NUP155: variants seen among roughly 807,000 people sequenced by gnomAD.
NUP155 encodes the protein nucleoporin 155.
In NUP155, 71 loss-of-function variants were observed where a neutral mutation model predicts 180.4. That is an observed-to-expected ratio of 0.39 (90% CI 0.33 to 0.48). NUP155 has a LOEUF of 0.48. Among genes scored for constraint, NUP155 ranks in the 20% least tolerant of loss-of-function variants. The pLI, the probability that NUP155 is intolerant of heterozygous loss-of-function variation, is 0.91. For missense variants in NUP155, 1,553 were observed against 1,648.9 expected, an observed-to-expected ratio of 0.94 and a Z score of 1.01; for synonymous variants, 582 against 559.5, an observed-to-expected ratio of 1.04 and a Z score of -0.57.
intron 29 of NUP155, 50 bp downstream of exon 29, chr5:37,302,716 AATGTGGAATAACT>A (rs1742929532): frequency 6.5e-7 from 1 of 1,548,966 alleles, no homozygotes; most frequent in African/African-American, 1.4e-5. Flanking sequence ...GGAAGAATGG[AATGTGGAATAACT>A]ATGTGGCTAG....
At chr5:37,305,334 T>C (rs1313011827) in intron 25 of NUP155, 124 bp from the exon 26 acceptor site, 8 of 813,624 alleles carry the variant, frequency 9.8e-6, no homozygotes, top group African/African-American at 8.4e-5. Flanking sequence ...GGCTTGAGGC[T>C]GGGAGTTCAA....
chr5:37,328,872 T>G (rs1314558124), intron 16 of NUP155, among the ~76,000 whole-genome samples: 2 of 152,210 alleles, frequency 1.3e-5, no homozygotes, highest in African/African-American at 4.8e-5. Flanking sequence ...GGGACTGATC[T>G]CCTAGTAAGT....
At position 37,294,366 on chromosome 5, in the gene NUP155, C is replaced by T. The variant is rs1399516949; in HGVS notation, c.3893G>A (p.Arg1298Lys). Residue 1298 changes from arginine (R) to lysine (K), a missense_variant, in exon 33 of 35, where the codon AGA becomes AAA. Physicochemically the swap from Arg to Lys is conservative, Grantham distance 26 (BLOSUM62 2). Coordinates refer to ENST00000231498, the MANE Select transcript of NUP155 (RefSeq NM_153485.3). The part of the protein sequence containing the change: ...TMNEIGVPLP[R>K]LLEVYDQLFK... ...CAACTGATCATAAACTTCTAGTAGT[C>T]TAGGTAATGGTACTCCAATTTCATT... 6.2e-7 allele frequency: 1 copy of T among 1,602,532 alleles called. No homozygotes were observed. Among genetic ancestry groups the T allele is most frequent in the African/African-American group, 1.3e-5 (1 of 74,718 alleles).
chr5:37,330,487 G>C (rs181961359), intron 14 of NUP155, among the ~76,000 whole-genome samples: 17 of 152,276 alleles, frequency 1.1e-4, no homozygotes, highest in Non-Finnish European at 1.8e-4. Flanking sequence ...TAAGAGTTTA[G>C]CATATATTAA....
At chr5:37,353,743 A>C (rs1581203381) in intron 4 of NUP155, among the ~76,000 whole-genome samples, 4 of 152,342 alleles carry the variant, frequency 2.6e-5, no homozygotes, top group Admixed American at 2.6e-4. Context: ...AGAATAGTCA[A>C]ATTCTTACAG....
At chr5:37,299,306 G>T in intron 31 of NUP155, 142 bp downstream of exon 31, 1 of 900,052 alleles carries the variant, frequency 1.1e-6, no homozygotes, top group Non-Finnish European at 1.8e-6. Context: ...ATACCCAGGT[G>T]ACTTCCACTT....
chr5:37,334,358 C>A (rs1318345219), intron 12 of NUP155, among the ~76,000 whole-genome samples: 5 of 151,674 alleles, frequency 3.3e-5, no homozygotes, highest in Non-Finnish European at 7.4e-5. Flanking sequence ...CCATCTTGGC[C>A]TCTCAAAGTG....
Position 37,370,779 on chromosome 5 carries a change from G to GA in NUP155, c.157+41dup, listed in dbSNP as rs771651240. ...TAAGTAGCAAATTAGGAAGTCAGGC[G>GA]AGAGTCCTTTAGGTTGAGAAAGCAG... On this transcript the variant is annotated intron_variant, in intron 1 of 34. Transcript: ENST00000231498. The GA allele has an allele frequency of 1.1e-5, 18 of 1,613,852 alleles. No homozygotes were observed. In the South Asian group the frequency reaches 1.9e-4, roughly 17 times the overall value.
At chr5:37,310,462 A>G in intron 23 of NUP155, 90 bp downstream of exon 23, 1 of 1,021,904 alleles carries the variant, frequency 9.8e-7, no homozygotes, top group South Asian at 1.4e-5. Context: ...GATCTAACTG[A>G]CTGAGGTCCT....
chr5:37,354,499 C>T (rs1746683653), intron 4 of NUP155, among the ~76,000 whole-genome samples: 1 of 148,304 alleles, frequency 6.7e-6, no homozygotes, highest in African/African-American at 2.5e-5. Flanking sequence ...TGCTCTGCTG[C>T]CCAGGCTGGA....
At chr5:37,368,744 G>C (rs1281037169) in intron 1 of NUP155, among the ~76,000 whole-genome samples, 3 of 152,132 alleles carry the variant, frequency 2.0e-5, no homozygotes, top group Non-Finnish European at 2.9e-5. Flanking sequence ...AACCTGGGAG[G>C]TGGAGGCCGT....
Position 37,294,597 on chromosome 5 carries a change from G to A in NUP155, c.3794-132C>T, listed in dbSNP as rs556166556. ...CAATTGCAATTTTTTGGGGCGGGGG[G>A]TTTTTTTTGCTATGTTGCCCAGACT... is the stretch of plus-strand genomic sequence containing the variant. On this transcript the variant is annotated intron_variant, in intron 32 of 34. Coordinates refer to ENST00000231498, the MANE Select transcript of NUP155 (RefSeq NM_153485.3). 1.2e-4 allele frequency: 95 copies of A among 810,752 alleles called. 1 individual carries two copies. The highest frequency in any genetic ancestry group is 1.7e-4 in the Non-Finnish European group (87 of 503,566). 50.2% of individuals were successfully genotyped at this position (810,752 alleles called of 1,614,324 possible).
At chr5:37,316,109 C>T (rs1743866484) in intron 21 of NUP155, among the ~76,000 whole-genome samples, 1 of 152,150 alleles carries the variant, frequency 6.6e-6, no homozygotes, top group Admixed American at 6.5e-5. Context: ...TATTTGTTCA[C>T]CCATGTTAAT....
chr5:37,364,448 T>C (rs1747420044), intron 1 of NUP155, 64 bp from the exon 2 acceptor site: 12 of 1,448,840 alleles, frequency 8.3e-6, no homozygotes, highest in East Asian at 4.6e-5. Flanking sequence ...AACAAAAGGA[T>C]TGAGTGCCAC....
At chr5:37,299,361 T>G (rs746106942) in intron 31 of NUP155, 87 bp downstream of exon 31, 11 of 1,501,966 alleles carry the variant, frequency 7.3e-6, no homozygotes, top group Non-Finnish European at 1.0e-5. Flanking sequence ...CACTAGCAGC[T>G]TGCATTATAT....
intron 31 of NUP155, among the ~76,000 whole-genome samples, chr5:37,299,199 T>C (rs1742738188): frequency 6.6e-6 from 1 of 152,220 alleles, no homozygotes; most frequent in Admixed American, 6.5e-5. Flanking sequence ...CAGTATCTTT[T>C]ATAAGGCAGC....
At chr5:37,308,875 C>CAAAAAAAAAAA (rs59572976) in intron 24 of NUP155, among the ~76,000 whole-genome samples, 2 of 68,862 alleles carry the variant, frequency 2.9e-5, no homozygotes, top group African/African-American at 1.3e-4. Flanking sequence ...GCGAGACTCT[C>CAAAAAAAAAAA]AAAAAAAAAA....
rs183050030 is a variant in NUP155, at chr5:37,366,684, C to T, written c.158-2300G>A. On this transcript the variant is annotated intron_variant, in intron 1 of 34. Transcript: ENST00000231498. Reference sequence around the variant, plus strand: ...AATCTTTTTTTTTTTTTTTTTGAGACGGAGTCTCACAGGCTGGAGTGCAGT... The same window carrying T: ...AATCTTTTTTTTTTTTTTTTTGAGATGGAGTCTCACAGGCTGGAGTGCAGT... Among the ~76,000 whole-genome samples, 49 of 143,496 alleles carry T rather than the reference C, an allele frequency of 3.4e-4. No homozygotes were observed. In the East Asian group the frequency reaches 8.6e-3, roughly 25 times the overall value. 94.1% of individuals were successfully genotyped at this position (143,496 alleles called of 152,430 possible). A position where few individuals can be genotyped will look rare whatever the true frequency, so the allele number is the denominator to read the frequency against.
At chr5:37,351,572 G>A (rs1312182618) in intron 5 of NUP155, among the ~76,000 whole-genome samples, 2 of 151,336 alleles carry the variant, frequency 1.3e-5, no homozygotes, top group African/African-American at 2.4e-5. Context: ...TCAGCCTCCC[G>A]AGTAGCTGGG....
Sources: allele counts gnomAD v4.1 joint callset (sites outside exome capture counted in the v4.1 genomes callset), GRCh38; gene constraint gnomAD v4.1.1; transcripts MANE v1.5; gene names NCBI Gene and HGNC (gene_info 2026-07-23, HGNC 2026-07-21).